Variants in TENM3 observed in about 807,000 individuals in gnomAD.
TENM3 encodes the protein teneurin transmembrane protein 3.
In TENM3, 63 loss-of-function variants were observed where a neutral mutation model predicts 255.1. That is an observed-to-expected ratio of 0.25 (90% CI 0.20 to 0.30). The LOEUF is 0.30. Among genes scored for constraint, TENM3 ranks in the 10% least tolerant of loss-of-function variants. The pLI is 1.00. For synonymous variants in TENM3, 1,306 were observed against 1,322.3 expected (o/e 0.99, Z 0.27); for missense variants, 2,929 against 3,461.1 (o/e 0.85, Z 3.86).
chr4:182,059,752 A>G, the TENM3 span, among the ~76,000 whole-genome samples: 1 of 136,292 alleles, frequency 7.3e-6, no homozygotes, highest in African/African-American at 3.5e-5. Context: ...CTACAAAAAA[A>G]AAAAAAAAAA....
At chr4:181,926,159 T>C in the TENM3 span, among the ~76,000 whole-genome samples, 3 of 152,226 alleles carry the variant, frequency 2.0e-5, no homozygotes, top group Admixed American at 2.0e-4. Context: ...AAACCTGAAA[T>C]TTCTATTATT....
chr4:181,512,753 G>A, the TENM3 span, among the ~76,000 whole-genome samples: 2 of 152,090 alleles, frequency 1.3e-5, no homozygotes, highest in Admixed American at 6.5e-5. Context: ...ATAATAAATA[G>A]TGAAGTACAT....
chr4:182,223,812 T>C (rs1361433654), intron 1 of TENM3, among the ~76,000 whole-genome samples: 1 of 144,028 alleles, frequency 6.9e-6, no homozygotes, highest in Non-Finnish European at 1.5e-5. Flanking sequence ...GGAATGGAAT[T>C]GACTGGTAAA....
At chr4:182,235,660 A>T (rs1303234317) in intron 1 of TENM3, among the ~76,000 whole-genome samples, 1 of 150,700 alleles carries the variant, frequency 6.6e-6, no homozygotes, top group Non-Finnish European at 1.5e-5. Flanking sequence ...ACTACACACG[A>T]CCACACGGGA....
intron 3 of TENM3, among the ~76,000 whole-genome samples, chr4:182,487,359 A>G (rs1734860457): frequency 6.6e-6 from 1 of 152,196 alleles, no homozygotes. Context: ...TAACAGATTA[A>G]CTGTATTTAA....
Position 182,479,863 on chromosome 4 carries a change from T to A in TENM3, c.512-121061T>A, listed in dbSNP as rs72999400. 3.0e-3 allele frequency among the ~76,000 whole-genome samples: 455 copies of A among 152,150 alleles called. 2 individuals carry two copies. The highest frequency in any genetic ancestry group is 0.011 in the African/African-American group (437 of 41,578). On this transcript the variant is annotated intron_variant, in intron 3 of 27. Coordinates refer to ENST00000511685, the MANE Select transcript of TENM3 (RefSeq NM_001080477.4). ...TTAGGATTTCTGAGATATAAGAACC[T>A]TTTTTATGATATTGATATTCTGTAA...
the TENM3 span, among the ~76,000 whole-genome samples, chr4:181,544,195 T>A: frequency 6.6e-6 from 1 of 151,868 alleles, no homozygotes; most frequent in Non-Finnish European, 1.5e-5. Flanking sequence ...TAACATCATA[T>A]CAAGGTAAAA....
chr4:182,519,233 G>A (rs948594399), intron 3 of TENM3, among the ~76,000 whole-genome samples: 8 of 151,996 alleles, frequency 5.3e-5, no homozygotes, highest in African/African-American at 1.9e-4. Context: ...TTAATATTTT[G>A]GATCTCTCAT....
the TENM3 span, among the ~76,000 whole-genome samples, chr4:181,702,764 G>T: frequency 1.3e-5 from 2 of 151,874 alleles, no homozygotes; most frequent in Admixed American, 6.5e-5. Flanking sequence ...CTATTTTTTT[G>T]AATCTCAGAT....
the TENM3 span, among the ~76,000 whole-genome samples, chr4:181,687,313 C>T: frequency 1.3e-5 from 2 of 152,152 alleles, no homozygotes; most frequent in African/African-American, 4.8e-5. Flanking sequence ...ATCCCACATG[C>T]TAATGACTAA....
chr4:182,095,321 T>C, the TENM3 span, among the ~76,000 whole-genome samples: 1 of 152,198 alleles, frequency 6.6e-6, no homozygotes, highest in Non-Finnish European at 1.5e-5. Flanking sequence ...GTGGTACACA[T>C]TGGAATATTA....
the TENM3 span, among the ~76,000 whole-genome samples, chr4:181,693,059 C>T: frequency 1.6e-3 from 243 of 152,218 alleles, 1 homozygote; most frequent in South Asian, 3.5e-3. Flanking sequence ...TGTGCTCGTT[C>T]CCAGACCCAG....
chr4:181,648,532 G>T, the TENM3 span, among the ~76,000 whole-genome samples: 2 of 152,148 alleles, frequency 1.3e-5, no homozygotes, highest in Non-Finnish European at 2.9e-5. Context: ...GCAGTTTCTC[G>T]AGTGAGCAAG....
the TENM3 span, among the ~76,000 whole-genome samples, chr4:181,945,743 A>G: frequency 2.0e-5 from 3 of 152,098 alleles, no homozygotes; most frequent in Non-Finnish European, 1.5e-5. Context: ...CATAAATAAT[A>G]TCTGTAAAAC....
At chr4:182,473,360 G>T (rs555721646) in intron 3 of TENM3, among the ~76,000 whole-genome samples, 1 of 152,120 alleles carries the variant, frequency 6.6e-6, no homozygotes, top group Non-Finnish European at 1.5e-5. Context: ...AAACATGTAC[G>T]CTCTAATAAA....
chr4:182,543,783 A>T (rs576387402), intron 3 of TENM3, among the ~76,000 whole-genome samples: 1 of 152,054 alleles, frequency 6.6e-6, no homozygotes, highest in African/African-American at 2.4e-5. Flanking sequence ...AGTTTGTGTC[A>T]GCTACTCTAT....
At chr4:181,687,167 A>G in the TENM3 span, among the ~76,000 whole-genome samples, 1 of 152,206 alleles carries the variant, frequency 6.6e-6, no homozygotes, top group Non-Finnish European at 1.5e-5. Flanking sequence ...TAGTCATATA[A>G]TGGAAGAAGA....
chr4:182,383,863 C>G (rs767859543), intron 3 of TENM3, among the ~76,000 whole-genome samples: 6 of 152,168 alleles, frequency 3.9e-5, no homozygotes, highest in Non-Finnish European at 4.4e-5. Flanking sequence ...CACTTACAAC[C>G]AACTCACCTT....
the TENM3 span, among the ~76,000 whole-genome samples, chr4:181,526,073 A>G: frequency 6.6e-6 from 1 of 152,130 alleles, no homozygotes; most frequent in Non-Finnish European, 1.5e-5. Context: ...TAGCAGTATG[A>G]CTCTAACAAT....
Sources: allele counts gnomAD v4.1 joint callset (sites outside exome capture counted in the v4.1 genomes callset), GRCh38; gene constraint gnomAD v4.1.1; transcripts MANE v1.5; gene names NCBI Gene and HGNC (gene_info 2026-07-23, HGNC 2026-07-21).